Variants in EPHA3 observed in about 807,000 individuals in gnomAD.
The protein encoded by EPHA3 is EPH receptor A3, also known as ephrin type-A receptor 3.
In EPHA3, 42 loss-of-function variants were observed where a neutral mutation model predicts 107.1. The observed-to-expected ratio is 0.39, with a 90% confidence interval of 0.31 to 0.51. The LOEUF (loss-of-function observed/expected upper bound fraction) is 0.51, where lower values mean the gene tolerates loss of function less well. Ranked by LOEUF, EPHA3 falls within the 20% of genes least tolerant of loss-of-function variation. The pLI is 0.78. For synonymous variants in EPHA3, 461 were observed against 424.8 expected (o/e 1.09, Z -1.05); for missense variants, 1,183 against 1,211.2 (o/e 0.98, Z 0.35).
At chr3:89,131,282 G>T (rs1704203101) in intron 2 of EPHA3, among the ~76,000 whole-genome samples, 1 of 152,040 alleles carries the variant, frequency 6.6e-6, no homozygotes, top group African/African-American at 2.4e-5. Context: ...TCAATCCAGG[G>T]CTTAATTTTA....
At chr3:89,153,073 A>G (rs983732112) in intron 2 of EPHA3, among the ~76,000 whole-genome samples, 2 of 152,102 alleles carry the variant, frequency 1.3e-5, no homozygotes, top group South Asian at 2.1e-4. Flanking sequence ...TGTAATAAGC[A>G]CTATGCTATA....
intron 11 of EPHA3, among the ~76,000 whole-genome samples, chr3:89,420,205 T>A (rs1162157837): frequency 2.0e-5 from 3 of 151,430 alleles, no homozygotes; most frequent in African/African-American, 7.3e-5. Flanking sequence ...TGGCAGGGAA[T>A]TTGGCATCCT....
At chr3:89,245,463 G>C (rs928549402) in intron 3 of EPHA3, among the ~76,000 whole-genome samples, 1 of 152,088 alleles carries the variant, frequency 6.6e-6, no homozygotes. Flanking sequence ...ACTTGTAATT[G>C]ATGAATATTA....
intron 1 of EPHA3, among the ~76,000 whole-genome samples, chr3:89,115,126 A>G (rs765966999): frequency 3.9e-5 from 6 of 152,164 alleles, no homozygotes; most frequent in Non-Finnish European, 7.4e-5. Context: ...TGAGACTCAC[A>G]GGAGTTGCCT....
chr3:89,142,660 A>G (rs952988515), intron 2 of EPHA3, among the ~76,000 whole-genome samples: 2 of 151,546 alleles, frequency 1.3e-5, no homozygotes, highest in Non-Finnish European at 3.0e-5. Context: ...TCATCTTAGA[A>G]GAATAGGATA....
intron 3 of EPHA3, among the ~76,000 whole-genome samples, chr3:89,300,828 C>T (rs1170176880): frequency 3.3e-5 from 5 of 152,108 alleles, no homozygotes; most frequent in African/African-American, 4.8e-5. Flanking sequence ...ATAAAATGCA[C>T]GCCTGTTTCT....
chr3:89,401,187 A>C (rs1708955088), intron 7 of EPHA3, among the ~76,000 whole-genome samples: 2 of 152,220 alleles, frequency 1.3e-5, no homozygotes, highest in South Asian at 4.1e-4. Flanking sequence ...TACATATTTT[A>C]TGGCACACTT....
intron 2 of EPHA3, among the ~76,000 whole-genome samples, chr3:89,156,375 C>G (rs1704807038): frequency 6.6e-6 from 1 of 152,022 alleles, no homozygotes; most frequent in Non-Finnish European, 1.5e-5. Context: ...AACTTGAAAA[C>G]ACATTATAAA....
chr3:89,257,108 G>C (rs147051397), intron 3 of EPHA3, among the ~76,000 whole-genome samples: 131 of 152,294 alleles, frequency 8.6e-4, no homozygotes, highest in Non-Finnish European at 1.3e-3. Flanking sequence ...GGCTGGAAAA[G>C]CAAATAATTC....
At chr3:89,195,403 T>A (rs1431523567) in intron 2 of EPHA3, among the ~76,000 whole-genome samples, 1 of 152,120 alleles carries the variant, frequency 6.6e-6, no homozygotes, top group Non-Finnish European at 1.5e-5. Flanking sequence ...CTCCTAAGCT[T>A]CATTTTGTCT....
chr3:89,476,602 T>G (rs907938747), intron 16 of EPHA3, among the ~76,000 whole-genome samples: 1 of 143,466 alleles, frequency 7.0e-6, no homozygotes, highest in African/African-American at 2.6e-5. Context: ...TATTTATTTA[T>G]TTATTTATTT....
At chr3:89,194,792 A>G (rs13101118) in intron 2 of EPHA3, among the ~76,000 whole-genome samples, 21,936 of 152,032 alleles carry the variant, frequency 0.14, 1,742 homozygotes, top group African/African-American at 0.22. Context: ...TCTTCTCTCC[A>G]GCAACTCTGA....
At chr3:89,319,297 A>G (rs376655842) in intron 3 of EPHA3, among the ~76,000 whole-genome samples, 1 of 152,118 alleles carries the variant, frequency 6.6e-6, no homozygotes, top group East Asian at 1.9e-4. Flanking sequence ...GAGTATTATC[A>G]GTGCACACCA....
chr3:89,185,591 A>G (rs1705545635), intron 2 of EPHA3, among the ~76,000 whole-genome samples: 1 of 151,990 alleles, frequency 6.6e-6, no homozygotes, highest in Admixed American at 6.6e-5. Context: ...TATCTTCTCT[A>G]GGGCTTAAAC....
At chr3:89,222,304 A>C (rs1367395331) in intron 3 of EPHA3, among the ~76,000 whole-genome samples, 1 of 144,554 alleles carries the variant, frequency 6.9e-6, no homozygotes, top group Non-Finnish European at 1.5e-5. Flanking sequence ...TTGGGTTTTT[A>C]AAAAGCTCAT....
chr3:89,223,646 C>T (rs1234683955), intron 3 of EPHA3, among the ~76,000 whole-genome samples: 2 of 152,050 alleles, frequency 1.3e-5, no homozygotes, highest in African/African-American at 4.8e-5. Flanking sequence ...ATCTTAATTC[C>T]TACAAAATAA....
chr3:89,146,485 G>C (rs1277055752), intron 2 of EPHA3, among the ~76,000 whole-genome samples: 1 of 151,852 alleles, frequency 6.6e-6, no homozygotes, highest in Non-Finnish European at 1.5e-5. Flanking sequence ...TTTTTTGATG[G>C]GTGGTTTGTA....
chr3:89,348,638 T>C (rs1170963640), intron 5 of EPHA3, among the ~76,000 whole-genome samples: 3 of 127,824 alleles, frequency 2.3e-5, no homozygotes, highest in African/African-American at 6.7e-5. Context: ...TGATTTTAGT[T>C]ATTTCTTGCC....
chr3:89,211,660 T>G (rs1490602199), intron 3 of EPHA3, among the ~76,000 whole-genome samples: 1 of 63,674 alleles, frequency 1.6e-5, no homozygotes, highest in East Asian at 4.4e-4. Context: ...CCTCTTCCTC[T>G]TCCTCTTCCT....
Sources: allele counts gnomAD v4.1 joint callset (sites outside exome capture counted in the v4.1 genomes callset), GRCh38; gene constraint gnomAD v4.1.1; transcripts MANE v1.5; gene names NCBI Gene and HGNC (gene_info 2026-07-23, HGNC 2026-07-21).